Variants in SMARCC1 observed in about 807,000 individuals in gnomAD.
SMARCC1 encodes the protein SWI/SNF related BAF chromatin remodeling complex subunit C1.
SMARCC1 carries 43 observed loss-of-function variants against 147.4 expected under a neutral mutation model. The observed-to-expected ratio is 0.29, with a 90% CI of 0.23 to 0.38. SMARCC1 has a LOEUF of 0.38. SMARCC1 is among the 10% of genes least tolerant of loss of function. SMARCC1 has a pLI of 1.00. For synonymous variants in SMARCC1, 495 were observed against 484.4 expected (o/e 1.02, Z -0.29); for missense variants, 1,119 against 1,381.1 (o/e 0.81, Z 3.01).
At chr3:47,696,141 C>T (rs371841224) in intron 11 of SMARCC1, among the ~76,000 whole-genome samples, 1 of 147,476 alleles carries the variant, frequency 6.8e-6, no homozygotes, top group African/African-American at 2.5e-5. Context: ...GAGGCCAAGG[C>T]GGGTGGATCA....
chr3:47,767,553 T>TAA (rs765197611), intron 2 of SMARCC1, among the ~76,000 whole-genome samples: 2 of 111,302 alleles, frequency 1.8e-5, no homozygotes, highest in Non-Finnish European at 1.9e-5. Context: ...CACTCTGATT[T>TAA]AAAAAAAAAA....
intron 17 of SMARCC1, 97 bp downstream of exon 17, chr3:47,676,532 T>C: frequency 2.3e-6 from 2 of 861,816 alleles, no homozygotes; most frequent in South Asian, 1.8e-5. Context: ...GCACTAATAA[T>C]AGCATTATAG....
intron 2 of SMARCC1, among the ~76,000 whole-genome samples, chr3:47,763,626 A>G (rs924633061): frequency 6.6e-6 from 1 of 151,890 alleles, no homozygotes; most frequent in African/African-American, 2.4e-5. Context: ...CATGAGCCAC[A>G]GTGCCCAGCT....
At chr3:47,739,277 T>A (rs981741485) in intron 3 of SMARCC1, among the ~76,000 whole-genome samples, 5 of 152,194 alleles carry the variant, frequency 3.3e-5, no homozygotes, top group Non-Finnish European at 5.9e-5. Flanking sequence ...AGAACAGTGC[T>A]TAAGTTTAAT....
chr3:47,767,189 G>GAAA (rs375076788), intron 2 of SMARCC1, among the ~76,000 whole-genome samples: 27 of 80,160 alleles, frequency 3.4e-4, no homozygotes, highest in Admixed American at 4.0e-4. Context: ...TCTCCAAAAA[G>GAAA]AAAAAAAAAA....
intron 25 of SMARCC1, among the ~76,000 whole-genome samples, chr3:47,621,252 ACTGTGCCACTGCACTCCAGC>A (rs1036232427): frequency 7.4e-5 from 11 of 149,572 alleles, no homozygotes; most frequent in Admixed American, 5.4e-4. Context: ...GTGAGCTGAG[ACTGTGCCACTGCACTCCAGC>A]CTGGCAACAG....
chr3:47,682,905 C>T (rs148973991), intron 14 of SMARCC1, among the ~76,000 whole-genome samples: 60 of 152,262 alleles, frequency 3.9e-4, no homozygotes, highest in Admixed American at 7.8e-4. Flanking sequence ...GATAACAAGA[C>T]TGAGACACTT....
chr3:47,606,859 TACC>T (rs2032484060), intron 26 of SMARCC1, among the ~76,000 whole-genome samples: 2 of 149,370 alleles, frequency 1.3e-5, no homozygotes, highest in African/African-American at 4.9e-5. Flanking sequence ...AGGTATGCAG[TACC>T]ACCACACCTG....
intron 2 of SMARCC1, among the ~76,000 whole-genome samples, chr3:47,757,109 G>T (rs1309189957): frequency 1.3e-5 from 2 of 152,070 alleles, no homozygotes; most frequent in African/African-American, 2.4e-5. Flanking sequence ...AAATTATCCG[G>T]GTGTGGTGGT....
intron 26 of SMARCC1, chr3:47,603,991 C>T (rs749413241): frequency 1.3e-5 from 6 of 456,690 alleles, no homozygotes; most frequent in Admixed American, 4.7e-5. Context: ...GAGGCATGCA[C>T]GCAGTAGTCT....
At chr3:47,714,350 G>T in intron 8 of SMARCC1, 65 bp downstream of exon 8, 1 of 909,642 alleles carries the variant, frequency 1.1e-6, no homozygotes, top group East Asian at 2.4e-5. Flanking sequence ...GCGACAGAGT[G>T]AGACGCCATC....
intron 26 of SMARCC1, among the ~76,000 whole-genome samples, chr3:47,600,804 T>C (rs145129929): frequency 4.5e-4 from 68 of 152,254 alleles, no homozygotes; most frequent in Non-Finnish European, 8.2e-4. Flanking sequence ...GTGTCTGATA[T>C]AGGTCTCACC....
At chr3:47,683,890 GACAA>G (rs747273631) in intron 14 of SMARCC1, among the ~76,000 whole-genome samples, 4 of 151,798 alleles carry the variant, frequency 2.6e-5, no homozygotes, top group African/African-American at 4.9e-5. Flanking sequence ...TCGAGGCACA[GACAA>G]ACAAAAAGAC....
intron 26 of SMARCC1, among the ~76,000 whole-genome samples, chr3:47,594,392 T>C (rs1304878947): frequency 6.6e-6 from 1 of 152,212 alleles, no homozygotes; most frequent in African/African-American, 2.4e-5. Context: ...GAGCAGCTGC[T>C]GGATCTACTC....
chr3:47,682,157 T>G (rs2033651950), intron 14 of SMARCC1, among the ~76,000 whole-genome samples: 1 of 151,684 alleles, frequency 6.6e-6, no homozygotes, highest in Non-Finnish European at 1.5e-5. Context: ...TAGCCGGGCA[T>G]GGTGTTGGGT....
At chr3:47,753,737 A>G (rs1025507621) in intron 2 of SMARCC1, among the ~76,000 whole-genome samples, 1 of 150,930 alleles carries the variant, frequency 6.6e-6, no homozygotes, top group Admixed American at 6.6e-5. Context: ...AAAAAAAGAC[A>G]AAGTAGTGCT....
At chr3:47,719,043 G>A (rs2034198086) in intron 7 of SMARCC1, among the ~76,000 whole-genome samples, 1 of 152,054 alleles carries the variant, frequency 6.6e-6, no homozygotes, top group Non-Finnish European at 1.5e-5. Flanking sequence ...CTCCCAAGTA[G>A]CTGGGACTAC....
chr3:47,781,580 C>A, intron 1 of SMARCC1, 23 bp downstream of exon 1: 1 of 1,497,268 alleles, frequency 6.7e-7, no homozygotes, highest in Non-Finnish European at 8.9e-7. Context: ...GGTCTCCCGG[C>A]CCCCACGGGC....
chr3:47,731,439 T>C (rs1380848130), intron 5 of SMARCC1, among the ~76,000 whole-genome samples: 1 of 152,210 alleles, frequency 6.6e-6, no homozygotes, highest in Non-Finnish European at 1.5e-5. Context: ...CTGTTGATAT[T>C]TTGACCTCTG....
Sources: allele counts gnomAD v4.1 joint callset (sites outside exome capture counted in the v4.1 genomes callset), GRCh38; gene constraint gnomAD v4.1.1; transcripts MANE v1.5; gene names NCBI Gene and HGNC (gene_info 2026-07-23, HGNC 2026-07-21).